GRID2: variants seen among roughly 807,000 people sequenced by gnomAD.
GRID2 encodes the protein glutamate ionotropic receptor delta type subunit 2, also known as glutamate receptor ionotropic, delta-2.
GRID2 carries 33 observed loss-of-function variants against 114.8 expected under a neutral mutation model. The observed-to-expected ratio is 0.29, with a 90% CI of 0.22 to 0.38. The LOEUF is 0.38. Ranked by LOEUF, GRID2 falls within the 10% of genes least tolerant of loss-of-function variation. The pLI is 1.00. For missense variants in GRID2, 1,184 were observed against 1,257.7 expected (o/e 0.94, Z 0.89); for synonymous variants, 505 against 449.9 (o/e 1.12, Z -1.55).
At chr4:93,464,334 T>C (rs981315328) in intron 11 of GRID2, among the ~76,000 whole-genome samples, 4 of 152,234 alleles carry the variant, frequency 2.6e-5, no homozygotes, top group Non-Finnish European at 5.9e-5. Flanking sequence ...ATGATGGCTA[T>C]ATTTTTTAAA....
At chr4:92,980,867 T>C (rs950787302) in intron 2 of GRID2, among the ~76,000 whole-genome samples, 10 of 152,014 alleles carry the variant, frequency 6.6e-5, no homozygotes, top group African/African-American at 1.7e-4. Context: ...CCCAAAAATA[T>C]GTAGCTACTT....
intron 9 of GRID2, among the ~76,000 whole-genome samples, chr4:93,397,689 G>A (rs369655313): frequency 9.2e-5 from 14 of 151,816 alleles, no homozygotes; most frequent in South Asian, 8.3e-4. Flanking sequence ...TGTCTGTGAG[G>A]CATTGGTTCC....
At chr4:93,009,202 T>A (rs953394181) in intron 2 of GRID2, among the ~76,000 whole-genome samples, 2 of 152,174 alleles carry the variant, frequency 1.3e-5, no homozygotes, top group Non-Finnish European at 2.9e-5. Context: ...CTCTCTATAC[T>A]TTCCCTACTG....
intron 14 of GRID2, among the ~76,000 whole-genome samples, chr4:93,713,539 C>A (rs1226986919): frequency 1.3e-5 from 2 of 151,152 alleles, no homozygotes; most frequent in Non-Finnish European, 2.9e-5. Flanking sequence ...AAAAGACATG[C>A]AAAATTCCTG....
chr4:93,019,332 A>G (rs1723059449), intron 2 of GRID2, among the ~76,000 whole-genome samples: 1 of 152,138 alleles, frequency 6.6e-6, no homozygotes, highest in Non-Finnish European at 1.5e-5. Context: ...TGAAGAATAA[A>G]TGTTTTTGTT....
chr4:93,790,046 C>A (rs546608490), intron 1 of GRID2, among the ~76,000 whole-genome samples: 8 of 152,068 alleles, frequency 5.3e-5, no homozygotes, highest in African/African-American at 1.9e-4. Flanking sequence ...TGAGGTGGAA[C>A]AGTTTCATCC....
rs1750530947 is a variant in GRID2 at position 92,934,805 on chromosome 4, T to A, written c.245-150190T>A. ...AGTGGGGAAAGGATTCCCTATTTAA[T>A]AAATGGTGCTGGGAAAACTGACTAG... On this transcript the variant is annotated intron_variant, in intron 2 of 15. Coordinates refer to ENST00000282020, the MANE Select transcript of GRID2 (RefSeq NM_001510.4). 1.4e-5 allele frequency among the ~76,000 whole-genome samples: 2 copies of A among 147,046 alleles called. 1 individual carries two copies. The highest frequency in any genetic ancestry group is 4.6e-4 in the South Asian group (2 of 4,366).
At chr4:93,552,816 A>T (rs927559379) in intron 13 of GRID2, among the ~76,000 whole-genome samples, 17 of 94,404 alleles carry the variant, frequency 1.8e-4, no homozygotes, top group Non-Finnish European at 2.9e-4. Context: ...CCAGTGTGTG[A>T]TGTTCCCCTC....
intron 2 of GRID2, among the ~76,000 whole-genome samples, chr4:92,729,207 A>G (rs1265338449): frequency 6.6e-6 from 1 of 152,046 alleles, no homozygotes; most frequent in Non-Finnish European, 1.5e-5. Flanking sequence ...CAGAAATAAA[A>G]GCAAAAAGAA....
In GRID2 at chr4:93,385,890, ATCTG is replaced by A. The variant is rs1306740068; in HGVS notation, c.1246-9713_1246-9710del. ...CCATCCTAATGTTCTTTACTTCTTT[ATCTG>A]TCTTTCAAAAATATCTTCCTTTCTC... is the stretch of plus-strand genomic sequence containing the variant. On this transcript the variant is annotated intron_variant, in intron 8 of 15. Transcript: ENST00000282020. 2.0e-5 allele frequency among the ~76,000 whole-genome samples: 3 copies of A among 152,224 alleles called. No homozygotes were observed. The South Asian group carries it at 6.2e-4, about 32-fold the overall frequency.
intron 2 of GRID2, among the ~76,000 whole-genome samples, chr4:92,943,802 G>C (rs946325147): frequency 2.0e-5 from 3 of 152,176 alleles, no homozygotes; most frequent in Non-Finnish European, 4.4e-5. Context: ...CTAACAGTCA[G>C]GACCCTCAGC....
At position 92,305,043 on chromosome 4, in the gene GRID2, T is replaced by A. The variant is rs576596099; in HGVS notation, c.88+299T>A. 2.0e-5 allele frequency among the ~76,000 whole-genome samples: 3 copies of A among 152,180 alleles called. No homozygotes were observed. The East Asian group carries it at 5.8e-4, about 29-fold the overall frequency. On this transcript the variant is annotated intron_variant, in intron 1 of 15. Coordinates refer to ENST00000282020, the MANE Select transcript of GRID2 (RefSeq NM_001510.4). ...CTGGGAACTGCAGGGGGATTCTAAG[T>A]GTGTGGGGAAAGGGAGTTTAATTGA...
chr4:93,613,240 C>A (rs1251742351), intron 13 of GRID2, among the ~76,000 whole-genome samples: 5 of 142,512 alleles, frequency 3.5e-5, no homozygotes, highest in Non-Finnish European at 7.7e-5. Flanking sequence ...TTTTCAACTT[C>A]TTTGCCTTTG....
rs548926007 is a variant in GRID2, at chr4:93,757,296, G to A, written c.2361-11914G>A. Reference sequence around the variant, plus strand: ...AACTTACAGGCCTTGCTTCTCCAGCGTGGTTCTGGTTCTCCCCATATTCAT... The same window carrying A: ...AACTTACAGGCCTTGCTTCTCCAGCATGGTTCTGGTTCTCCCCATATTCAT... On this transcript the variant is annotated intron_variant, in intron 14 of 15. Coordinates refer to ENST00000282020, the MANE Select transcript of GRID2 (RefSeq NM_001510.4). Among the ~76,000 whole-genome samples the A allele has an allele frequency of 5.9e-5, 9 of 152,316 alleles. No individual in the cohort carries two copies. In the East Asian group the frequency reaches 1.2e-3, roughly 20 times the overall value.
chr4:93,455,174 A>G (rs909414433), intron 10 of GRID2, among the ~76,000 whole-genome samples: 2 of 152,140 alleles, frequency 1.3e-5, no homozygotes, highest in African/African-American at 2.4e-5. Flanking sequence ...TTAGAGCCCA[A>G]TAATATAAAT....
chr4:93,504,525 A>G (rs1383469731), intron 12 of GRID2, among the ~76,000 whole-genome samples: 5 of 152,062 alleles, frequency 3.3e-5, no homozygotes, highest in Non-Finnish European at 7.4e-5. Context: ...TTACAAATAA[A>G]ACAAGGTGAT....
intron 2 of GRID2, among the ~76,000 whole-genome samples, chr4:92,604,772 C>A (rs965700521): frequency 6.6e-6 from 1 of 151,984 alleles, no homozygotes; most frequent in Non-Finnish European, 1.5e-5. Flanking sequence ...TTCAGCTTAC[C>A]CACAATTTAT....
At chr4:93,295,587 C>CCTCCTCCTCCTCCTCCTCTCCCCG (rs1754210644) in intron 8 of GRID2, among the ~76,000 whole-genome samples, 2 of 151,270 alleles carry the variant, frequency 1.3e-5, no homozygotes, top group East Asian at 1.9e-4. Context: ...ATCTCCTCTT[C>CCTCCTCCTCCTCCTCCTCTCCCCG]CTCCTCCTCC....
chr4:92,481,607 G>A (rs1424295385), intron 1 of GRID2, among the ~76,000 whole-genome samples: 1 of 151,946 alleles, frequency 6.6e-6, no homozygotes, highest in Non-Finnish European at 1.5e-5. Context: ...CATCAGTATA[G>A]CCTTGTAGTA....
Sources: gnomAD v4.1 joint callset for allele counts (sites outside exome capture counted in the v4.1 genomes callset) on GRCh38, gnomAD v4.1.1 for gene constraint, MANE v1.5 for transcripts, NCBI Gene and HGNC (gene_info 2026-07-23, HGNC 2026-07-21) for gene names.